The following ADAM19 variants were observed in gnomAD, a reference collection of about 807,000 sequenced individuals.
The protein encoded by ADAM19 is ADAM metallopeptidase domain 19.
ADAM19 carries 65 observed loss-of-function variants against 114.7 expected under a neutral mutation model. The observed-to-expected ratio is 0.57, with a 90% CI of 0.46 to 0.70. The LOEUF (loss-of-function observed/expected upper bound fraction) is 0.70, where lower values mean the gene tolerates loss of function less well. Among genes scored for constraint, ADAM19 ranks in the 30% least tolerant of loss-of-function variants. The pLI is 0.00. For synonymous variants in ADAM19, 466 were observed against 460.5 expected, an observed-to-expected ratio of 1.01 and a Z score of -0.15; for missense variants, 1,063 against 1,204.7, an observed-to-expected ratio of 0.88 and a Z score of 1.74.
At chr5:157,544,505 G>C (rs1345587866) in intron 3 of ADAM19, among the ~76,000 whole-genome samples, 1 of 152,150 alleles carries the variant, frequency 6.6e-6, no homozygotes, top group Non-Finnish European at 1.5e-5. Context: ...TTGGCCAGCA[G>C]GGTCTTTACT....
intron 14 of ADAM19, among the ~76,000 whole-genome samples, chr5:157,495,007 T>A (rs1045637084): frequency 1.3e-5 from 2 of 152,088 alleles, no homozygotes; most frequent in African/African-American, 4.8e-5. Context: ...TTTTTTTCTT[T>A]CAGATGGATT....
intron 3 of ADAM19, among the ~76,000 whole-genome samples, chr5:157,546,368 G>C (rs561072501): frequency 6.6e-6 from 1 of 152,176 alleles, no homozygotes; most frequent in Non-Finnish European, 1.5e-5. Flanking sequence ...CCAGTCTAGG[G>C]ATCAGGAATT....
chr5:157,524,209 T>C (rs1344870703), intron 5 of ADAM19, among the ~76,000 whole-genome samples: 1 of 152,222 alleles, frequency 6.6e-6, no homozygotes, highest in South Asian at 2.1e-4. Context: ...TGTTTATCCT[T>C]CTAGGAGCCT....
chr5:157,520,660 T>C (rs1756259542), intron 5 of ADAM19, among the ~76,000 whole-genome samples: 2 of 152,326 alleles, frequency 1.3e-5, no homozygotes, highest in East Asian at 3.9e-4. Flanking sequence ...GACTACTGGA[T>C]GATTAAGTGG....
chr5:157,520,073 T>G (rs1756233904), intron 5 of ADAM19, 42 bp from the exon 6 acceptor site: 1 of 1,571,334 alleles, frequency 6.4e-7, no homozygotes, highest in East Asian at 2.3e-5. Flanking sequence ...AAGATTATGG[T>G]TCTGAAAAAG....
At chr5:157,494,865 G>A (rs1185198001) in intron 14 of ADAM19, 70 bp from the exon 15 acceptor site, 1 of 1,262,146 alleles carries the variant, frequency 7.9e-7, no homozygotes, top group East Asian at 2.3e-5. Context: ...GGTATCTTTG[G>A]TAAAGTCATG....
intron 8 of ADAM19, among the ~76,000 whole-genome samples, chr5:157,510,312 TA>T (rs1172366240): frequency 6.6e-6 from 1 of 152,106 alleles, no homozygotes; most frequent in African/African-American, 2.4e-5. Flanking sequence ...CCATCTCTAC[TA>T]AAAATACAAA....
At position 157,495,073 on chromosome 5, in the gene ADAM19, T is replaced by C. The variant is rs146540121; in HGVS notation, c.1595-278A>G. ...GGCACAATCACGGCTCATTGCATCC[T>C]CCGCCTCTTGGGTTCAAGCAATTCT... On this transcript the variant is annotated intron_variant, in intron 14 of 22. Coordinates refer to ENST00000257527, the MANE Select transcript of ADAM19 (RefSeq NM_033274.5). Among the ~76,000 whole-genome samples the C allele has an allele frequency of 2.2e-4, 34 of 152,250 alleles. 1 individual carries two copies. In the East Asian group the frequency reaches 6.6e-3, roughly 29 times the overall value.
chr5:157,567,211 A>T (rs1282828798), intron 2 of ADAM19, among the ~76,000 whole-genome samples: 3 of 152,338 alleles, frequency 2.0e-5, no homozygotes, highest in Admixed American at 2.0e-4. Flanking sequence ...GGCTCTGATG[A>T]GATCTCAACA....
In ADAM19 at chr5:157,478,953, T is replaced by G; in HGVS notation, c.*1996A>C. ...AAGCCACAGGAAGCTCTGTGAGGCA[T>G]GGGGTTGGGTTTTGAGGATGTTGCT... On this transcript the variant is annotated 3_prime_UTR_variant, in exon 23 of 23. Transcript: ENST00000257527. The G allele has an allele frequency of 1.0e-6, 1 of 985,532 alleles. No individual in the cohort carries two copies. Among genetic ancestry groups the G allele is most frequent in the Non-Finnish European group, 1.2e-6 (1 of 829,930 alleles). The allele number at this position is 985,532 out of a possible 1,614,324, so 61.0% of individuals were successfully genotyped here.
chr5:157,520,392 T>C (rs1756249251), intron 5 of ADAM19, among the ~76,000 whole-genome samples: 1 of 150,652 alleles, frequency 6.6e-6, no homozygotes, highest in Non-Finnish European at 1.5e-5. Flanking sequence ...CACTTAAAAC[T>C]TATGAAGGAT....
At chr5:157,541,424 G>A (rs1756914709) in intron 3 of ADAM19, among the ~76,000 whole-genome samples, 1 of 152,154 alleles carries the variant, frequency 6.6e-6, no homozygotes, top group South Asian at 2.1e-4. Context: ...TCTGTGCTCA[G>A]GAGCCCACGG....
chr5:157,573,740 T>TG (rs1279613568), intron 1 of ADAM19, among the ~76,000 whole-genome samples: 1 of 120,620 alleles, frequency 8.3e-6, no homozygotes, highest in Non-Finnish European at 1.6e-5. Context: ...ATAGAGACTC[T>TG]GAAAAAAAAA....
chr5:157,491,569 C>T (rs1177463918), intron 18 of ADAM19, 46 bp downstream of exon 18: 16 of 1,357,162 alleles, frequency 1.2e-5, no homozygotes, highest in Non-Finnish European at 1.6e-5. Flanking sequence ...CTGATGCCCG[C>T]TCTTCTCACA....
At chr5:157,563,436 T>C (rs1434859595) in intron 3 of ADAM19, among the ~76,000 whole-genome samples, 1 of 152,186 alleles carries the variant, frequency 6.6e-6, no homozygotes, top group East Asian at 1.9e-4. Flanking sequence ...CACCCAAGCC[T>C]AAAAGCTATT....
chr5:157,509,148 C>A (rs886777577), intron 9 of ADAM19, among the ~76,000 whole-genome samples, 153 bp downstream of exon 9: 1 of 152,232 alleles, frequency 6.6e-6, no homozygotes, highest in African/African-American at 2.4e-5. Flanking sequence ...GGGTACAGAG[C>A]GCATGTTTAG....
At chr5:157,536,559 C>T (rs533866059) in intron 4 of ADAM19, among the ~76,000 whole-genome samples, 6 of 152,190 alleles carry the variant, frequency 3.9e-5, no homozygotes, top group South Asian at 2.1e-4. Context: ...ACCCAAGAGG[C>T]GGAGGTTGCA....
chr5:157,521,600 C>T (rs1756288246), intron 5 of ADAM19, among the ~76,000 whole-genome samples: 1 of 152,156 alleles, frequency 6.6e-6, no homozygotes, highest in Non-Finnish European at 1.5e-5. Context: ...TGACCTCATT[C>T]CAGATCCAGG....
chr5:157,485,445 G>A (rs1269041083), intron 21 of ADAM19, among the ~76,000 whole-genome samples: 1 of 152,158 alleles, frequency 6.6e-6, no homozygotes, highest in Non-Finnish European at 1.5e-5. Context: ...TGGGCCCCTT[G>A]CAGGAACTAC....
Sources: gnomAD v4.1 joint callset for allele counts (sites outside exome capture counted in the v4.1 genomes callset) on GRCh38, gnomAD v4.1.1 for gene constraint, MANE v1.5 for transcripts, NCBI Gene and HGNC (gene_info 2026-07-23, HGNC 2026-07-21) for gene names.